Variants in STAC observed in about 807,000 individuals in gnomAD.
The protein encoded by STAC is SH3 and cysteine rich domain, also known as SH3 and cysteine-rich domain-containing protein.
STAC carries 43 observed loss-of-function variants against 48.8 expected under a neutral mutation model. The observed-to-expected ratio is 0.88, with a 90% confidence interval of 0.69 to 1.14. The LOEUF (loss-of-function observed/expected upper bound fraction) is 1.14. Among genes scored for constraint, STAC ranks in the 50% most tolerant of loss-of-function variants. The pLI is 0.00. For synonymous variants in STAC, 193 were observed against 179.5 expected, an observed-to-expected ratio of 1.07 and a Z score of -0.60; for missense variants, 497 against 504.0, an observed-to-expected ratio of 0.99 and a Z score of 0.13.
At chr3:36,509,731 C>T (rs145759966) in intron 8 of STAC, among the ~76,000 whole-genome samples, 282 of 151,840 alleles carry the variant, frequency 1.9e-3, no homozygotes, top group African/African-American at 6.4e-3. Context: ...ATTTAATAAA[C>T]TGTGTTGGGA....
intron 8 of STAC, among the ~76,000 whole-genome samples, chr3:36,520,115 C>A (rs1698765797): frequency 6.6e-6 from 1 of 152,166 alleles, no homozygotes; most frequent in Admixed American, 6.5e-5. Context: ...ATAATTTTTC[C>A]TAGCATCCTC....
At chr3:36,411,113 ACT>A (rs1272729048) in intron 1 of STAC, among the ~76,000 whole-genome samples, 2 of 152,056 alleles carry the variant, frequency 1.3e-5, no homozygotes, top group Admixed American at 1.3e-4. Context: ...ATCCTTGGCT[ACT>A]CTCTTTTCCT....
At chr3:36,424,060 T>C (rs113027110) in intron 1 of STAC, among the ~76,000 whole-genome samples, 115 of 152,310 alleles carry the variant, frequency 7.6e-4, no homozygotes, top group African/African-American at 2.4e-3. Context: ...GGGCATGTTG[T>C]TGCTTCTCCT....
At chr3:36,418,138 T>C (rs1700361155) in intron 1 of STAC, among the ~76,000 whole-genome samples, 1 of 152,196 alleles carries the variant, frequency 6.6e-6, no homozygotes, top group Non-Finnish European at 1.5e-5. Flanking sequence ...ATCTATTTTA[T>C]GATTTTTCGG....
At chr3:36,384,031 T>A (rs1231176979) in intron 1 of STAC, among the ~76,000 whole-genome samples, 1 of 152,220 alleles carries the variant, frequency 6.6e-6, no homozygotes, top group African/African-American at 2.4e-5. Flanking sequence ...TGAATAAGTT[T>A]GAAAGCCACT....
intron 1 of STAC, among the ~76,000 whole-genome samples, chr3:36,422,437 T>C (rs560502868): frequency 1.3e-5 from 2 of 152,274 alleles, no homozygotes; most frequent in Admixed American, 1.3e-4. Context: ...TTGTCAGCCT[T>C]AGCATCACCA....
At chr3:36,459,195 T>G (rs1696933785) in intron 2 of STAC, 1 of 152,216 alleles carries the variant, frequency 6.6e-6, no homozygotes, top group Admixed American at 6.5e-5. Context: ...ATCTAATTAT[T>G]TCTTTTTTTC....
At chr3:36,395,532 T>C (rs1418993255) in intron 1 of STAC, among the ~76,000 whole-genome samples, 1 of 152,162 alleles carries the variant, frequency 6.6e-6, no homozygotes, top group Non-Finnish European at 1.5e-5. Flanking sequence ...GGCTAGAGAC[T>C]ACTTGGTCAG....
intron 10 of STAC, among the ~76,000 whole-genome samples, chr3:36,535,002 T>A (rs1699165584): frequency 6.6e-6 from 1 of 152,164 alleles, no homozygotes; most frequent in African/African-American, 2.4e-5. Context: ...TAAATCGACT[T>A]TAAAATACCA....
At chr3:36,521,404 C>A (rs996507263) in intron 8 of STAC, among the ~76,000 whole-genome samples, 2 of 152,068 alleles carry the variant, frequency 1.3e-5, no homozygotes, top group East Asian at 3.9e-4. Context: ...CTGTTCATGA[C>A]AACATTTAGT....
intron 8 of STAC, among the ~76,000 whole-genome samples, chr3:36,509,224 T>C (rs945401751): frequency 6.6e-5 from 10 of 152,246 alleles, no homozygotes; most frequent in African/African-American, 2.4e-4. Context: ...TTCTTTTCTT[T>C]AAGAATGTTG....
chr3:36,380,882 G>GGACTTGAACGTCCGGCAGGACCCGCCGA, intron 1 of STAC, 128 bp downstream of exon 1: 1 of 498,876 alleles, frequency 2.0e-6, no homozygotes. Context: ...CAGGGCTGTA[G>GGACTTGAACGTCCGGCAGGACCCGCCGA]GACTTGAACG....
intron 2 of STAC, among the ~76,000 whole-genome samples, chr3:36,472,454 C>T (rs971229263): frequency 2.6e-5 from 4 of 152,240 alleles, no homozygotes; most frequent in African/African-American, 9.6e-5. Context: ...TTGAATTTCT[C>T]CCCAGAAAAT....
chr3:36,394,774 G>A (rs1699822749), intron 1 of STAC, among the ~76,000 whole-genome samples: 1 of 151,970 alleles, frequency 6.6e-6, no homozygotes, highest in African/African-American at 2.4e-5. Flanking sequence ...GTGCACACCT[G>A]TAGTCCCAGC....
Position 36,380,648 on chromosome 3 carries a change from T to C in STAC, c.5T>C (p.Ile2Thr). The change falls in exon 1 of 11, where the codon ATC (isoleucine) becomes ACC (threonine). Residue 2 changes from isoleucine to threonine, a missense_variant. Transcript: ENST00000273183. ...CACCGTTCCCGCGCGGCCACGATGA[T>C]CCCTCCGAGCAGCCCCCGCGAGGAC... M[I>T]PPSSPREDGV... 1 of 1,590,276 alleles carries C rather than the reference T, an allele frequency of 6.3e-7. No homozygotes were observed.
At chr3:36,535,070 G>C (rs915229479) in intron 10 of STAC, among the ~76,000 whole-genome samples, 2 of 152,070 alleles carry the variant, frequency 1.3e-5, no homozygotes, top group African/African-American at 4.8e-5. Context: ...GGGGAGTATG[G>C]CCATTTACAT....
intron 2 of STAC, among the ~76,000 whole-genome samples, chr3:36,449,613 C>G (rs1304655537): frequency 1.3e-5 from 2 of 152,152 alleles, no homozygotes; most frequent in Non-Finnish European, 2.9e-5. Context: ...AAATTTTATG[C>G]CTGCTGCCAA....
At chr3:36,461,332 A>C (rs1165790746) in intron 2 of STAC, among the ~76,000 whole-genome samples, 1 of 152,132 alleles carries the variant, frequency 6.6e-6, no homozygotes, top group Non-Finnish European at 1.5e-5. Flanking sequence ...CATTTTTTCA[A>C]ACTTAAATAG....
intron 1 of STAC, among the ~76,000 whole-genome samples, chr3:36,413,758 T>C (rs1042163512): frequency 2.6e-4 from 40 of 152,246 alleles, no homozygotes; most frequent in Admixed American, 5.2e-4. Context: ...TGATGCAGTT[T>C]CTTCCTAGCA....
Sources: allele counts gnomAD v4.1 joint callset (sites outside exome capture counted in the v4.1 genomes callset), GRCh38; gene constraint gnomAD v4.1.1; transcripts MANE v1.5; gene names NCBI Gene and HGNC (gene_info 2026-07-23, HGNC 2026-07-21).